The following EAF2 variants were observed in gnomAD, a reference collection of about 807,000 sequenced individuals.
The protein encoded by EAF2 is ELL associated factor 2, also known as ELL-associated factor 2.
A neutral mutation model predicts 29.4 loss-of-function variants in EAF2; 29 were observed. That is an observed-to-expected ratio of 0.99 (90% CI 0.73 to 1.35). The LOEUF is 1.35. Among genes scored for constraint, EAF2 ranks in the 40% most tolerant of loss-of-function variants. EAF2 has a pLI of 0.00. For synonymous variants in EAF2, 103 were observed against 102.5 expected (o/e 1.00, Z -0.03); for missense variants, 292 against 312.0 (o/e 0.94, Z 0.48).
rs573504537 is a variant in EAF2 at position 121,854,588 on chromosome 3, A to G, written c.202-99A>G. Reference sequence around the variant, plus strand: ...AGGTAGTTTATGGGTGACTTGAAGTATAACATAGAAGGAGAAACCCAGAAT... The same window carrying G: ...AGGTAGTTTATGGGTGACTTGAAGTGTAACATAGAAGGAGAAACCCAGAAT... On this transcript the variant is annotated intron_variant, in intron 2 of 5. Transcript: ENST00000273668. 8.8e-5 allele frequency: 89 copies of G among 1,015,868 alleles called. No homozygotes were observed. In the African/African-American group the frequency reaches 1.3e-3, roughly 14 times the overall value. The allele number at this position is 1,015,868 out of a possible 1,614,324, so 62.9% of individuals were successfully genotyped here.
intron 4 of EAF2, among the ~76,000 whole-genome samples, chr3:121,865,016 A>C (rs1033955735): frequency 1.3e-5 from 2 of 152,164 alleles, no homozygotes; most frequent in African/African-American, 4.8e-5. Context: ...TATTCTCAAC[A>C]ATAATTTTAC....
rs759292798 is a variant in EAF2, at chr3:121,854,823, G to A, written c.338G>A (p.Arg113Lys). ...AGCAACATCACTGTAAAAAAAACAA[G>A]GTATGTGGTTTAATGAAATAAATTA... ...LSSNITVKKT[R>K]VEGSSKIQYR... The change falls in exon 3 of 6, where the codon AGA (arginine) becomes AAA (lysine). Residue 113 changes from arginine to lysine, a missense_variant and splice_region_variant. Arg to Lys is a conservative substitution (Grantham distance 26, BLOSUM62 2). Coordinates refer to ENST00000273668, the MANE Select transcript of EAF2 (RefSeq NM_018456.6). 4 of 1,555,840 alleles carry A rather than the reference G, an allele frequency of 2.6e-6. No homozygotes were observed. The highest frequency in any genetic ancestry group is 2.3e-5 in the Admixed American group (1 of 42,830).
At chr3:121,877,336 T>A (rs1350582661) in intron 5 of EAF2, among the ~76,000 whole-genome samples, 2 of 151,916 alleles carry the variant, frequency 1.3e-5, no homozygotes, top group African/African-American at 2.4e-5. Flanking sequence ...GGGTATGAAA[T>A]CTGTAAATAC....
rs543593808 is a variant in EAF2, at chr3:121,836,536, G to A, written c.106+1145G>A. 7.2e-5 allele frequency: 53 copies of A among 740,762 alleles called. No individual in the cohort carries two copies. In the African/African-American group the frequency reaches 9.1e-4, roughly 13 times the overall value. 45.9% of individuals were successfully genotyped at this position (740,762 alleles called of 1,614,324 possible). ...TATTTACTAAAAGGGTTTTTTTAAA[G>A]CAAAATTAACATCCAATTGGTAGAA... is the stretch of plus-strand genomic sequence containing the variant. On this transcript the variant is annotated intron_variant, in intron 1 of 5. Transcript: ENST00000273668.
chr3:121,855,840 G>A (rs1263800401), intron 3 of EAF2, among the ~76,000 whole-genome samples: 1 of 152,130 alleles, frequency 6.6e-6, no homozygotes, highest in Non-Finnish European at 1.5e-5. Flanking sequence ...TAAGAAATTA[G>A]GACATTATCT....
intron 2 of EAF2, among the ~76,000 whole-genome samples, chr3:121,845,440 CAAA>C (rs747436052): frequency 3.8e-4 from 23 of 59,964 alleles, no homozygotes; most frequent in African/African-American, 1.4e-3. Context: ...TCCTACATCT[CAAA>C]AAAAAAAAAA....
intron 2 of EAF2, 46 bp downstream of exon 2, chr3:121,844,593 C>T (rs774882739): frequency 3.9e-6 from 5 of 1,275,688 alleles, no homozygotes; most frequent in Non-Finnish European, 5.5e-6. Flanking sequence ...GTGGGATTCT[C>T]AGTAAATTTA....
intron 5 of EAF2, among the ~76,000 whole-genome samples, chr3:121,876,324 T>C (rs1709094178): frequency 6.6e-6 from 1 of 151,914 alleles, no homozygotes; most frequent in Non-Finnish European, 1.5e-5. Flanking sequence ...AAAATAATTT[T>C]CAGGCACACG....
chr3:121,835,937 T>A (rs375406095), intron 1 of EAF2, among the ~76,000 whole-genome samples: 12 of 152,334 alleles, frequency 7.9e-5, no homozygotes, highest in African/African-American at 2.9e-4. Context: ...AAATACTGAT[T>A]ATCAAAGTAT....
In EAF2 at chr3:121,860,995, A is replaced by C. The variant is rs145623220; in HGVS notation, c.484+3839A>C. ...GTTGTGCGTTTTGAGTGAGTTTCTT[A>C]GTCCTGAGTTCTAATTTGATTGCAC... On this transcript the variant is annotated intron_variant, in intron 4 of 5. Coordinates refer to ENST00000273668, the MANE Select transcript of EAF2 (RefSeq NM_018456.6). Among the ~76,000 whole-genome samples the C allele has an allele frequency of 5.8e-3, 886 of 152,300 alleles. 17 individuals are homozygous for C. Among genetic ancestry groups the C allele is most frequent in the African/African-American group, 0.021 (852 of 41,550 alleles).
intron 4 of EAF2, among the ~76,000 whole-genome samples, chr3:121,858,501 C>A (rs1708764795): frequency 6.6e-6 from 1 of 152,220 alleles, no homozygotes; most frequent in African/African-American, 2.4e-5. Context: ...CCTTTGCCCA[C>A]TTTTTGATGG....
At chr3:121,864,118 T>C (rs1236922883) in intron 4 of EAF2, among the ~76,000 whole-genome samples, 1 of 152,218 alleles carries the variant, frequency 6.6e-6, no homozygotes, top group Non-Finnish European at 1.5e-5. Context: ...TACAGTCCTT[T>C]TGTAAGTAAG....
At chr3:121,840,182 C>A in intron 1 of EAF2, among the ~76,000 whole-genome samples, 1 of 93,402 alleles carries the variant, frequency 1.1e-5, no homozygotes, top group Admixed American at 1.6e-4. Flanking sequence ...GAGTGAGATT[C>A]TCTCAGGAAA....
At chr3:121,881,060 A>C (rs1323549495) in intron 5 of EAF2, among the ~76,000 whole-genome samples, 1 of 152,152 alleles carries the variant, frequency 6.6e-6, no homozygotes, top group South Asian at 2.1e-4. Flanking sequence ...CCATTCTTAC[A>C]TCTCTGGGAT....
At chr3:121,869,618 T>A (rs890118832) in intron 4 of EAF2, among the ~76,000 whole-genome samples, 3 of 152,152 alleles carry the variant, frequency 2.0e-5, no homozygotes, top group Admixed American at 2.0e-4. Flanking sequence ...GGTTCACACC[T>A]GTAATCCCAA....
At chr3:121,884,465 G>A (rs905586614) in intron 5 of EAF2, among the ~76,000 whole-genome samples, 1 of 149,472 alleles carries the variant, frequency 6.7e-6, no homozygotes, top group South Asian at 2.1e-4. Flanking sequence ...GTTTCACTCT[G>A]TCGCCAGGCT....
intron 2 of EAF2, among the ~76,000 whole-genome samples, chr3:121,853,109 A>AT (rs968732334): frequency 1.3e-5 from 2 of 151,998 alleles, no homozygotes; most frequent in Non-Finnish European, 2.9e-5. Flanking sequence ...ATGTCTTACC[A>AT]TTTTTTTCCT....
chr3:121,844,611 A>C, intron 2 of EAF2, 64 bp downstream of exon 2: 3 of 1,083,110 alleles, frequency 2.8e-6, no homozygotes, highest in Non-Finnish European at 4.1e-6. Flanking sequence ...TTAAATGAAA[A>C]TAATTGCACA....
intron 2 of EAF2, among the ~76,000 whole-genome samples, chr3:121,853,433 T>C (rs918387151): frequency 9.2e-5 from 14 of 152,208 alleles, no homozygotes; most frequent in African/African-American, 3.4e-4. Context: ...ATTTATCTTT[T>C]TTAGAGACAG....
Sources: gnomAD v4.1 joint callset for allele counts (sites outside exome capture counted in the v4.1 genomes callset) on GRCh38, gnomAD v4.1.1 for gene constraint, MANE v1.5 for transcripts, NCBI Gene and HGNC (gene_info 2026-07-23, HGNC 2026-07-21) for gene names.